KDM3A: variants seen among roughly 807,000 people sequenced by gnomAD.
KDM3A encodes the protein lysine-specific demethylase 3A.
Under a neutral mutation model 158.0 loss-of-function variants are expected in KDM3A, and 60 were observed. The ratio of observed to expected loss-of-function variants is 0.38; its 90% CI spans 0.31 to 0.47. The LOEUF is 0.47. KDM3A is among the 20% of genes least tolerant of loss of function. The probability of loss-of-function intolerance (pLI) is 0.99; values close to 1 mark genes in which losing one functional copy is unlikely to be tolerated. For missense variants in KDM3A, 1,319 were observed against 1,574.3 expected (o/e 0.84, Z 2.74); for synonymous variants, 608 against 549.3 (o/e 1.11, Z -1.49).
In KDM3A at chr2:86,466,800, G is replaced by T. The variant is rs1573176672; in HGVS notation, c.1436G>T (p.Cys479Phe). 6.2e-7 allele frequency: 1 copy of T among 1,613,450 alleles called. No homozygotes were observed. Among genetic ancestry groups the T allele is most frequent in the Non-Finnish European group, 8.5e-7 (1 of 1,179,582 alleles). Residue 479 changes from cysteine to phenylalanine, a missense_variant, in exon 10 of 26, where the codon TGC becomes TTC. Cys to Phe is a radical substitution (Grantham distance 205, BLOSUM62 -2). Transcript: ENST00000312912. ...AAGGTAGAACCTTCAGCTTTAGCTT[G>T]CCGATCACAGAATTTAAAGGAATCT... Reference protein sequence around the residue: ...GKKVEPSALACRSQNLKESSV... With the variant: ...GKKVEPSALAFRSQNLKESSV...
intron 8 of KDM3A, among the ~76,000 whole-genome samples, chr2:86,459,715 A>T (rs1370341264): frequency 6.6e-6 from 1 of 152,146 alleles, no homozygotes; most frequent in Non-Finnish European, 1.5e-5. Flanking sequence ...ATATAGACAT[A>T]TATGATATGA....
In KDM3A at chr2:86,442,217, C is replaced by T; in HGVS notation, c.170C>T (p.Thr57Ile). 1.2e-6 allele frequency: 2 copies of T among 1,610,986 alleles called. No individual in the cohort carries two copies. Among genetic ancestry groups the T allele is most frequent in the Non-Finnish European group, 1.7e-6 (2 of 1,178,224 alleles). Residue 57 changes from threonine to isoleucine, a missense_variant, in exon 2 of 26, where the codon ACC becomes ATC. This residue lies in a region of KDM3A where 652 missense variants were observed against 627.2 expected (regional missense o/e 1.04). Coordinates refer to ENST00000312912, the MANE Select transcript of KDM3A (RefSeq NM_018433.6). ...CGAGCTGTTTCCCACACCGACGTTA[C>T]CAAGAAGGATCTGAAGGTACAGGCG... ...TIRAVSHTDVTKKDLKVCVEF... is the reference protein window; with the variant it reads ...TIRAVSHTDVIKKDLKVCVEF...
At chr2:86,441,979 C>A in intron 1 of KDM3A, 39 bp from the exon 2 acceptor site, 1 of 1,551,940 alleles carries the variant, frequency 6.4e-7, no homozygotes. Flanking sequence ...CCCCTCCCAC[C>A]GGCCGCCCCC....
intron 11 of KDM3A, among the ~76,000 whole-genome samples, chr2:86,473,166 A>G (rs1309293817): frequency 6.6e-6 from 1 of 152,110 alleles, no homozygotes; most frequent in Admixed American, 6.5e-5. Flanking sequence ...GTATTTACTT[A>G]TTTATGTTTA....
intron 2 of KDM3A, chr2:86,442,525 G>A (rs1304091282): frequency 7.9e-6 from 2 of 252,650 alleles, no homozygotes; most frequent in Non-Finnish European, 1.5e-5. Flanking sequence ...TTACTGCAGA[G>A]GAGGAGGAGT....
chr2:86,447,556 T>C (rs566600540), intron 2 of KDM3A, among the ~76,000 whole-genome samples: 151 of 152,258 alleles, frequency 9.9e-4, no homozygotes, highest in African/African-American at 3.4e-3. Context: ...AGATTTGAAT[T>C]AACCATGGAG....
intron 2 of KDM3A, 38 bp downstream of exon 2, chr2:86,442,271 G>C (rs926204519): frequency 6.4e-7 from 1 of 1,567,178 alleles, no homozygotes; most frequent in Non-Finnish European, 8.7e-7. Flanking sequence ...CGGACGTTTC[G>C]CAGTTACCGT....
Position 86,455,087 on chromosome 2 carries a change from T to C in KDM3A, c.456T>C (p.Asp152=), listed in dbSNP as rs768583500. Residue 152 remains aspartate (D), a splice_region_variant and synonymous_variant, in exon 5 of 26, where the codon GAT becomes GAC. Coordinates refer to ENST00000312912, the MANE Select transcript of KDM3A (RefSeq NM_018433.6). The part of the protein sequence containing the change: ...LSKDLLKPIQ[D]VNSLRLSLTD... ...TGTAATGATCTTTCATTTTTCAGGATGTAAACAGTCTTCGACTTTCTCTTA... is the reference window on the plus strand; with the variant it reads ...TGTAATGATCTTTCATTTTTCAGGACGTAAACAGTCTTCGACTTTCTCTTA... 3.1e-5 allele frequency: 48 copies of C among 1,557,406 alleles called. No homozygotes were observed. The highest frequency in any genetic ancestry group is 1.7e-4 in the Middle Eastern group (1 of 5,886).
intron 2 of KDM3A, 117 bp from the exon 3 acceptor site, chr2:86,449,690 A>C (rs1374348703): frequency 1.8e-6 from 2 of 1,113,304 alleles, no homozygotes; most frequent in Non-Finnish European, 2.5e-6. Flanking sequence ...GGGGGAAAGC[A>C]CATCCAGATA....
intron 15 of KDM3A, chr2:86,479,429 G>A (rs1231083610): frequency 2.0e-5 from 3 of 152,124 alleles, no homozygotes; most frequent in East Asian, 1.9e-4. Flanking sequence ...TTCCTTCCAC[G>A]TGCTAGTTGT....
intron 1 of KDM3A, 30 bp from the exon 2 acceptor site, chr2:86,441,988 C>T (rs1181502407): frequency 1.3e-6 from 2 of 1,587,944 alleles, no homozygotes; most frequent in African/African-American, 1.3e-5. Context: ...CCGGCCGCCC[C>T]CGTCGCATTT....
Position 86,484,996 on chromosome 2 carries a change from C to T in KDM3A, c.3149C>T (p.Pro1050Leu). 1 of 1,608,036 alleles carries T rather than the reference C, an allele frequency of 6.2e-7. No homozygotes were observed. The highest frequency in any genetic ancestry group is 8.5e-7 in the Non-Finnish European group (1 of 1,174,742). Residue 1050 changes from proline (P) to leucine (L), a missense_variant, in exon 20 of 26, where the codon CCA (proline) becomes CTA (leucine). This residue lies in a region of KDM3A where 186 missense variants were observed against 340.9 expected (regional missense o/e 0.55). Transcript: ENST00000312912. Reference sequence around the variant, plus strand: ...GTGTTGAAACTTAAGGACTGGCCACCAGGAGAAGATTTTAGAGATATGATG... The same window carrying T: ...GTGTTGAAACTTAAGGACTGGCCACTAGGAGAAGATTTTAGAGATATGATG... ...PMVLKLKDWP[P>L]GEDFRDMMPS...
At chr2:86,481,281 T>C (rs1206326113) in intron 16 of KDM3A, among the ~76,000 whole-genome samples, 4 of 152,174 alleles carry the variant, frequency 2.6e-5, no homozygotes, top group African/African-American at 9.6e-5. Context: ...AATCTTGCTC[T>C]GTCCAGCCAG....
intron 10 of KDM3A, among the ~76,000 whole-genome samples, chr2:86,469,900 A>C (rs1351695557): frequency 4.6e-5 from 7 of 152,146 alleles, no homozygotes; most frequent in Admixed American, 4.6e-4. Context: ...AACATCCTAA[A>C]ATGTAGAGTT....
rs201238111 is a variant in KDM3A, at chr2:86,466,682, C to T, written c.1318C>T (p.Leu440=). The T allele has an allele frequency of 1.2e-6, 2 of 1,613,898 alleles. No individual in the cohort carries two copies. The highest frequency in any genetic ancestry group is 1.3e-5 in the African/African-American group (1 of 75,028). Residue 440 remains leucine (L), a synonymous_variant, in exon 10 of 26, where the codon CTA becomes TTA. Coordinates refer to ENST00000312912, the MANE Select transcript of KDM3A (RefSeq NM_018433.6). The stretch of plus-strand genomic sequence containing the variant: ...CAATCCTCCTGAACTGCAGAAGCAC[C>T]TAGAACATGCACCTTCCCCATCGGA... ...IANPPELQKH[L]EHAPSPSDVS...
intron 16 of KDM3A, 123 bp from the exon 17 acceptor site, chr2:86,481,807 A>G (rs1673942870): frequency 1.4e-6 from 1 of 689,990 alleles, no homozygotes. Flanking sequence ...CTTACTCCCT[A>G]AAGTATTTTT....
At chr2:86,459,414 G>A (rs915328130) in intron 8 of KDM3A, among the ~76,000 whole-genome samples, 1 of 152,132 alleles carries the variant, frequency 6.6e-6, no homozygotes, top group Non-Finnish European at 1.5e-5. Flanking sequence ...ATATCAGTTT[G>A]GAGAAGTTGG....
upstream of KDM3A, among the ~76,000 whole-genome samples, chr2:86,438,711 A>G (rs1682535705): frequency 6.6e-6 from 1 of 152,058 alleles, no homozygotes; most frequent in Admixed American, 6.5e-5. Context: ...GTCTTTGACT[A>G]ATACCCCTAA....
intron 12 of KDM3A, among the ~76,000 whole-genome samples, chr2:86,476,405 C>T (rs932038965): frequency 1.4e-4 from 1 of 7,106 alleles, no homozygotes; most frequent in Non-Finnish European, 2.5e-4. Context: ...TTAAGAAACT[C>T]TCCTTGAAGA....
Sources: gnomAD v4.1 joint callset for allele counts (sites outside exome capture counted in the v4.1 genomes callset) on GRCh38, gnomAD v4.1.1 for gene constraint, gnomAD v4.1.1 regional missense constraint, MANE v1.5 for transcripts, NCBI Gene and HGNC (gene_info 2026-07-23, HGNC 2026-07-21) for gene names.